Variants in DNAJC13 observed in about 807,000 individuals in gnomAD.
DNAJC13 encodes dnaJ homolog subfamily C member 13.
A neutral mutation model predicts 290.5 loss-of-function variants in DNAJC13; 75 were observed. That is an observed-to-expected ratio of 0.26 (90% CI 0.21 to 0.31). The LOEUF is 0.31. DNAJC13 is among the 10% of genes least tolerant of loss of function. The pLI, the probability that DNAJC13 is intolerant of heterozygous loss-of-function variation, is 1.00. For missense variants in DNAJC13, 2,260 were observed against 2,674.5 expected, an observed-to-expected ratio of 0.85 and a Z score of 3.42; for synonymous variants, 862 against 892.0, an observed-to-expected ratio of 0.97 and a Z score of 0.60.
At chr3:132,423,132 A>G (rs1939005168) in intron 1 of DNAJC13, among the ~76,000 whole-genome samples, 1 of 152,162 alleles carries the variant, frequency 6.6e-6, no homozygotes. Context: ...CCGTCTCATC[A>G]AAAAATGAAA....
intron 46 of DNAJC13, 78 bp from the exon 47 acceptor site, chr3:132,516,344 T>C (rs1456867822): frequency 1.5e-6 from 2 of 1,297,382 alleles, no homozygotes; most frequent in African/African-American, 1.5e-5. Flanking sequence ...TCTAGTTAAG[T>C]GCCTGGCACA....
At chr3:132,435,482 A>G (rs1171187971) in intron 2 of DNAJC13, among the ~76,000 whole-genome samples, 1 of 152,224 alleles carries the variant, frequency 6.6e-6, no homozygotes, top group African/African-American at 2.4e-5. Context: ...GATGTGGTAT[A>G]CATCTGAGCT....
intron 1 of DNAJC13, among the ~76,000 whole-genome samples, chr3:132,432,820 G>C (rs1332043487): frequency 6.6e-6 from 1 of 152,186 alleles, no homozygotes; most frequent in Non-Finnish European, 1.5e-5. Flanking sequence ...TCATCACACA[G>C]ATTCAACAAT....
intron 17 of DNAJC13, among the ~76,000 whole-genome samples, chr3:132,464,526 C>T (rs1933912011): frequency 6.6e-6 from 1 of 151,950 alleles, no homozygotes; most frequent in African/African-American, 2.4e-5. Context: ...CTGAGTTAAA[C>T]GTTTAGTTTG....
intron 51 of DNAJC13, 154 bp downstream of exon 51, chr3:132,523,867 C>A: frequency 2.8e-6 from 2 of 710,378 alleles, no homozygotes; most frequent in Non-Finnish European, 4.4e-6. Flanking sequence ...GCCCCTCGAT[C>A]ATTTTTTTGC....
chr3:132,521,166 AG>A (rs1936077303), intron 48 of DNAJC13, among the ~76,000 whole-genome samples: 1 of 152,162 alleles, frequency 6.6e-6, no homozygotes, highest in Non-Finnish European at 1.5e-5. Flanking sequence ...CAGGAGGCTG[AG>A]GCAGGAGGAT....
chr3:132,440,541 G>A (rs1470243583), intron 2 of DNAJC13, among the ~76,000 whole-genome samples: 2 of 152,198 alleles, frequency 1.3e-5, no homozygotes, highest in Non-Finnish European at 2.9e-5. Flanking sequence ...GATCCCATAT[G>A]TTTAGATACA....
chr3:132,485,571 T>C (rs1934840695), intron 29 of DNAJC13, among the ~76,000 whole-genome samples: 1 of 152,220 alleles, frequency 6.6e-6, no homozygotes, highest in Admixed American at 6.5e-5. Flanking sequence ...CACTTTAATA[T>C]CTGAAAAGTG....
In DNAJC13 at chr3:132,525,644, T is replaced by C. The variant is rs1430280238; in HGVS notation, c.6095T>C (p.Val2032Ala). The C allele has an allele frequency of 3.1e-6, 5 of 1,614,018 alleles. No individual in the cohort carries two copies. The highest frequency in any genetic ancestry group is 4.2e-6 in the Non-Finnish European group (5 of 1,180,004). The stretch of plus-strand genomic sequence containing the variant: ...CTGGAAACCTTGACAATGGCAACAG[T>C]GTGTCTCTTCAGCGCACAACCTCAG... ...ETLETLTMATVCLFSAQPQLA... is the reference protein window; with the variant it reads ...ETLETLTMATACLFSAQPQLA... Residue 2032 changes from valine (V) to alanine (A), a missense_variant, in exon 52 of 56, where the codon GTG becomes GCG. Physicochemically the swap from Val to Ala is moderately conservative, Grantham distance 64. Coordinates refer to ENST00000260818, the MANE Select transcript of DNAJC13 (RefSeq NM_015268.4).
At chr3:132,460,991 A>G (rs1933778414) in intron 14 of DNAJC13, 59 bp from the exon 15 acceptor site, 1 of 1,501,604 alleles carries the variant, frequency 6.7e-7, no homozygotes, top group Non-Finnish European at 9.1e-7. Context: ...TTATTGTTAA[A>G]ATTTAACTGA....
At chr3:132,478,163 T>TGA (rs1484553357) in intron 24 of DNAJC13, 23 bp downstream of exon 24, 2 of 1,574,824 alleles carry the variant, frequency 1.3e-6, no homozygotes, top group Non-Finnish European at 1.7e-6. Context: ...TTTAAGGAAA[T>TGA]TACTATTTGA....
chr3:132,495,689 T>G (rs1935214134), intron 35 of DNAJC13, among the ~76,000 whole-genome samples: 1 of 152,144 alleles, frequency 6.6e-6, no homozygotes, highest in South Asian at 2.1e-4. Flanking sequence ...CCAGGACTGA[T>G]AGTCTATTGC....
chr3:132,485,668 A>G (rs1934845285), intron 29 of DNAJC13, among the ~76,000 whole-genome samples: 1 of 152,224 alleles, frequency 6.6e-6, no homozygotes, highest in African/African-American at 2.4e-5. Flanking sequence ...TTGGTGGTTC[A>G]TATCTTAAGA....
In DNAJC13 at chr3:132,507,256, A is replaced by G. The variant is rs79953286; in HGVS notation, c.5018A>G (p.Tyr1673Cys). Residue 1673 changes from tyrosine to cysteine, a missense_variant, in exon 43 of 56, where the codon TAT becomes TGT. Transcript: ENST00000260818. ...MIKKGDCDKT[Y>C]GSEFVYSDHA... The stretch of plus-strand genomic sequence containing the variant: ...AAAAAGGGTGATTGTGACAAAACTT[A>G]TGGATCAGAATTTGTCTACAGTGAT... 84,574 of 1,609,138 alleles carry G rather than the reference A, an allele frequency of 0.053. 2,551 individuals carry two copies. The highest frequency in any genetic ancestry group is 0.058 in the Non-Finnish European group (68,600 of 1,176,018).
Position 132,478,016 on chromosome 3 carries a change from T to G in DNAJC13, c.2585T>G (p.Leu862Trp). ...EFFNELYHRF[L>W]LTPKVNMKCL... ...TTCAATGAGCTTTATCATCGCTTCT[T>G]GCTCACCCCAAAAGTAAACATGAAG... The change falls in exon 24 of 56, where the codon TTG (leucine) becomes TGG (tryptophan). Residue 862 changes from leucine to tryptophan, a missense_variant. Transcript: ENST00000260818. The G allele has an allele frequency of 6.2e-7, 1 of 1,611,550 alleles. No homozygotes were observed. Among genetic ancestry groups the G allele is most frequent in the Non-Finnish European group, 8.5e-7 (1 of 1,179,396 alleles).
chr3:132,419,715 T>G (rs1277206757), intron 1 of DNAJC13, among the ~76,000 whole-genome samples: 10 of 152,236 alleles, frequency 6.6e-5, no homozygotes, highest in Admixed American at 6.5e-4. Flanking sequence ...GCTGTGCAGA[T>G]AAACTGCAGC....
rs1412126103 is a variant in DNAJC13 at position 132,450,649 on chromosome 3, A to G, written c.339A>G (p.Arg113=). 2 of 1,607,052 alleles carry G rather than the reference A, an allele frequency of 1.2e-6. No homozygotes were observed. Among genetic ancestry groups the G allele is most frequent in the East Asian group, 2.2e-5 (1 of 44,724 alleles). Residue 113 remains arginine (R), a splice_region_variant and synonymous_variant, in exon 6 of 56, where the codon AGA becomes AGG. Transcript: ENST00000260818. Reference sequence around the variant, plus strand: ...AGTAATACTGATTCTGTCTTTAGAGATACAACTGCTATAAGCATCACTGGA... The same window carrying G: ...AGTAATACTGATTCTGTCTTTAGAGGTACAACTGCTATAAGCATCACTGGA... ...DFSEGKITGR[R]YNCYKHHWSD...
At chr3:132,505,445 T>A in intron 42 of DNAJC13, 30 bp downstream of exon 42, 2 of 1,384,854 alleles carry the variant, frequency 1.4e-6, no homozygotes, top group Non-Finnish European at 2.0e-6. Flanking sequence ...ATTTCTTGGG[T>A]AATTTATTCT....
intron 15 of DNAJC13, 40 bp from the exon 16 acceptor site, chr3:132,462,427 C>G (rs763350000): frequency 2.2e-5 from 34 of 1,573,910 alleles, no homozygotes; most frequent in Middle Eastern, 1.7e-4. Flanking sequence ...GAATAAAATT[C>G]TTTTTTATTT....
Sources: gnomAD v4.1 joint callset for allele counts (sites outside exome capture counted in the v4.1 genomes callset) on GRCh38, gnomAD v4.1.1 for gene constraint, MANE v1.5 for transcripts, NCBI Gene and HGNC (gene_info 2026-07-23, HGNC 2026-07-21) for gene names.